BACH2: variants seen among roughly 807,000 people sequenced by gnomAD.
BACH2 encodes the protein transcription regulator protein BACH2.
A neutral mutation model predicts 61.8 loss-of-function variants in BACH2; 5 were observed. The ratio of observed to expected loss-of-function variants is 0.08; its 90% CI spans 0.04 to 0.17. The LOEUF (loss-of-function observed/expected upper bound fraction) is 0.17. Ranked by LOEUF, BACH2 falls within the 10% of genes least tolerant of loss-of-function variation. The pLI, the probability that BACH2 is intolerant of heterozygous loss-of-function variation, is 1.00. For missense variants in BACH2, 824 were observed against 1,091.1 expected, an observed-to-expected ratio of 0.76 and a Z score of 3.45; for synonymous variants, 446 against 440.1, an observed-to-expected ratio of 1.01 and a Z score of -0.17.
At chr6:90,222,745 C>A (rs1020214382) in intron 3 of BACH2, among the ~76,000 whole-genome samples, 2 of 152,172 alleles carry the variant, frequency 1.3e-5, no homozygotes, top group African/African-American at 4.8e-5. Flanking sequence ...CTTTATGTCT[C>A]CTTGCCCCTA....
At chr6:90,060,643 A>G (rs1780636873) in intron 5 of BACH2, among the ~76,000 whole-genome samples, 1 of 151,990 alleles carries the variant, frequency 6.6e-6, no homozygotes, top group Non-Finnish European at 1.5e-5. Flanking sequence ...AGTAATTAAT[A>G]TATTAACGCT....
chr6:90,187,337 G>A (rs1033931080), intron 4 of BACH2, among the ~76,000 whole-genome samples: 3 of 152,198 alleles, frequency 2.0e-5, no homozygotes, highest in South Asian at 2.1e-4. Context: ...TTGTGAGTGA[G>A]ATGCATACTT....
intron 5 of BACH2, among the ~76,000 whole-genome samples, chr6:90,054,747 C>A (rs1780240681): frequency 6.6e-6 from 1 of 152,176 alleles, no homozygotes; most frequent in African/African-American, 2.4e-5. Context: ...TGACACCTCA[C>A]ACAGCCGGGT....
In BACH2 at chr6:90,102,832, AT is replaced by A. The variant is rs1406508699; in HGVS notation, c.-161-13724del. Among the ~76,000 whole-genome samples, 172 of 140,658 alleles carry A rather than the reference AT, an allele frequency of 1.2e-3. 2 individuals are homozygous for A. The highest frequency in any genetic ancestry group is 3.5e-3 in the South Asian group (16 of 4,546). The allele number at this position is 140,658 out of a possible 152,430, so 92.3% of individuals were successfully genotyped here. A position where few individuals can be genotyped will look rare whatever the true frequency, so the allele number is the denominator to read the frequency against. On this transcript the variant is annotated intron_variant, in intron 4 of 8. Coordinates refer to ENST00000257749, the MANE Select transcript of BACH2 (RefSeq NM_021813.4). The stretch of plus-strand genomic sequence containing the variant: ...AATAATAATAATAATAATAATAATA[AT>A]AATAATAAAAATAAAAGGACCTTCC...
chr6:90,278,365 C>T (rs1006193026), intron 1 of BACH2, among the ~76,000 whole-genome samples: 4 of 152,262 alleles, frequency 2.6e-5, no homozygotes, highest in African/African-American at 4.8e-5. Context: ...CAAGGCATTC[C>T]TCTGGTGGGA....
At chr6:90,262,579 C>T (rs555245357) in intron 2 of BACH2, among the ~76,000 whole-genome samples, 1 of 152,166 alleles carries the variant, frequency 6.6e-6, no homozygotes, top group Admixed American at 6.5e-5. Context: ...CAGACCCAAT[C>T]TCCGAAGTTT....
chr6:90,295,800 G>C (rs577436223), intron 1 of BACH2, among the ~76,000 whole-genome samples: 1 of 152,224 alleles, frequency 6.6e-6, no homozygotes, highest in East Asian at 1.9e-4. Context: ...CCGATCTTTC[G>C]CTAGGAGAGA....
intron 6 of BACH2, among the ~76,000 whole-genome samples, chr6:89,960,826 G>A (rs528679765): frequency 2.2e-4 from 34 of 152,324 alleles, no homozygotes; most frequent in African/African-American, 8.2e-4. Flanking sequence ...TGATGTCTAG[G>A]GGGAGCGTTA....
intron 4 of BACH2, among the ~76,000 whole-genome samples, chr6:90,141,784 T>C (rs1784470162): frequency 6.6e-6 from 1 of 152,180 alleles, no homozygotes; most frequent in African/African-American, 2.4e-5. Flanking sequence ...CATATTTTAT[T>C]AAAAATTCTA....
intron 4 of BACH2, among the ~76,000 whole-genome samples, chr6:90,144,447 A>T (rs1019075482): frequency 6.6e-6 from 1 of 152,170 alleles, no homozygotes; most frequent in Non-Finnish European, 1.5e-5. Context: ...GAGACAGAGC[A>T]TTATCCCTGA....
At chr6:90,098,902 G>A (rs113409254) in intron 4 of BACH2, among the ~76,000 whole-genome samples, 2,120 of 152,200 alleles carry the variant, frequency 0.014, 59 homozygotes, top group African/African-American at 0.049. Flanking sequence ...CTCTGGGAAC[G>A]TTCATTTCTC....
At chr6:90,165,834 C>T (rs1327163580) in intron 4 of BACH2, among the ~76,000 whole-genome samples, 3 of 152,070 alleles carry the variant, frequency 2.0e-5, no homozygotes, top group African/African-American at 7.3e-5. Flanking sequence ...ATAAATGGTG[C>T]TGGGAAAACT....
At chr6:90,216,340 T>G (rs910151842) in intron 3 of BACH2, among the ~76,000 whole-genome samples, 4 of 152,220 alleles carry the variant, frequency 2.6e-5, no homozygotes, top group Non-Finnish European at 4.4e-5. Context: ...AAGAAAGAAC[T>G]GTGGCTGCTG....
intron 3 of BACH2, among the ~76,000 whole-genome samples, chr6:90,236,467 T>C (rs1770263641): frequency 6.6e-6 from 1 of 152,172 alleles, no homozygotes; most frequent in African/African-American, 2.4e-5. Context: ...GATACATAGG[T>C]CTGAGACATT....
chr6:89,946,941 TG>T (rs1161751564), intron 7 of BACH2, among the ~76,000 whole-genome samples: 1 of 152,202 alleles, frequency 6.6e-6, no homozygotes, highest in Non-Finnish European at 1.5e-5. Flanking sequence ...AGCCAACGAC[TG>T]TGAGATGGAA....
At chr6:90,195,414 C>T (rs1768724035) in intron 4 of BACH2, among the ~76,000 whole-genome samples, 1 of 152,164 alleles carries the variant, frequency 6.6e-6, no homozygotes, top group South Asian at 2.1e-4. Flanking sequence ...TCCTTGATTA[C>T]AGGGCAGTTT....
chr6:90,187,378 T>C (rs1582463476), intron 4 of BACH2, among the ~76,000 whole-genome samples: 2 of 152,266 alleles, frequency 1.3e-5, no homozygotes, highest in East Asian at 3.8e-4. Flanking sequence ...CGAATATACT[T>C]AGTTTAATTG....
At chr6:90,223,929 G>A (rs1221290162) in intron 3 of BACH2, among the ~76,000 whole-genome samples, 2 of 152,100 alleles carry the variant, frequency 1.3e-5, no homozygotes, top group African/African-American at 2.4e-5. Context: ...CAAATCTCTC[G>A]CTATTTGCTA....
At chr6:90,188,760 G>GAAAAAAAAAAAAAAAAAAA (rs57618295) in intron 4 of BACH2, among the ~76,000 whole-genome samples, 2 of 78,746 alleles carry the variant, frequency 2.5e-5, no homozygotes, top group African/African-American at 4.6e-5. Flanking sequence ...GCCCCAAAAT[G>GAAAAAAAAAAAAAAAAAAA]AAAAAAAAAA....
Sources: gnomAD v4.1 joint callset for allele counts (sites outside exome capture counted in the v4.1 genomes callset) on GRCh38, gnomAD v4.1.1 for gene constraint, MANE v1.5 for transcripts, NCBI Gene and HGNC (gene_info 2026-07-23, HGNC 2026-07-21) for gene names.